The following CFAP36 variants were observed in gnomAD, a reference collection of about 807,000 sequenced individuals.
CFAP36 encodes the protein cilia and flagella associated protein 36.
CFAP36 carries 37 observed loss-of-function variants against 50.5 expected under a neutral mutation model. The ratio of observed to expected loss-of-function variants is 0.73; its 90% confidence interval spans 0.56 to 0.96. The LOEUF is 0.96. Among genes scored for constraint, CFAP36 ranks in the 50% least tolerant of loss-of-function variants. CFAP36 has a pLI of 0.00. For missense variants in CFAP36, 407 were observed against 396.2 expected (o/e 1.03, Z -0.23); for synonymous variants, 138 against 128.2 (o/e 1.08, Z -0.52).
chr2:55,543,850 A>C, intron 7 of CFAP36, 88 bp from the exon 8 acceptor site: 1 of 1,256,724 alleles, frequency 8.0e-7, no homozygotes, highest in Non-Finnish European at 1.1e-6. Context: ...AAGTATTATT[A>C]ACATTAGCTC....
rs373802710 is a variant in CFAP36, at chr2:55,533,895, C to G, written c.420C>G (p.Thr140=). ...ERNGVLPDCL[T]DGSDVVSDLE... is the part of the protein sequence containing the mutation. ...CAGGTGTATTACCTGACTGCTTAAC[C>G]GATGGCTCTGATGTGGTCAGTGACC... The change falls in exon 5 of 10, where the codon ACC becomes ACG. Residue 140 remains threonine, a synonymous_variant. Transcript: ENST00000349456. The G allele has an allele frequency of 6.2e-7, 1 of 1,610,480 alleles. No individual in the cohort carries two copies. Among genetic ancestry groups the G allele is most frequent in the East Asian group, 2.2e-5 (1 of 44,830 alleles).
At chr2:55,523,585 A>C in intron 2 of CFAP36, 136 bp from the exon 3 acceptor site, 1 of 496,112 alleles carries the variant, frequency 2.0e-6, no homozygotes, top group East Asian at 3.1e-5. Context: ...GTGAAAGACA[A>C]TGTCACTGTC....
chr2:55,524,814 T>A (rs1168571212), intron 3 of CFAP36, among the ~76,000 whole-genome samples: 3 of 151,836 alleles, frequency 2.0e-5, no homozygotes, highest in East Asian at 3.9e-4. Context: ...AAACCCCGTC[T>A]CTACTAAACA....
chr2:55,528,212 A>C (rs767166551), intron 3 of CFAP36, among the ~76,000 whole-genome samples: 1 of 151,000 alleles, frequency 6.6e-6, no homozygotes, highest in African/African-American at 2.4e-5. Context: ...ATATGTAATC[A>C]TAGAATAATC....
chr2:55,533,760 G>A, intron 4 of CFAP36, 113 bp from the exon 5 acceptor site: 1 of 439,234 alleles, frequency 2.3e-6, no homozygotes. Flanking sequence ...AATAGCTTAG[G>A]ATGTTACAGT....
chr2:55,520,919 G>A (rs1684045527), intron 1 of CFAP36, among the ~76,000 whole-genome samples: 1 of 152,104 alleles, frequency 6.6e-6, no homozygotes, highest in South Asian at 2.1e-4. Flanking sequence ...TGAGCTTCCC[G>A]GCTCCAGCAG....
rs1241277083 is a variant in CFAP36, at chr2:55,528,992, G to A, written c.397G>A (p.Gly133Ser). The part of the protein sequence containing the change: ...QAIRIIQERN[G>S]VLPDCLTDGS... Reference sequence around the variant, plus strand: ...CATTCGAATAATTCAAGAGAGAAATGGTAAAATGTTGAAGTTAGAAATCTA... The same window carrying A: ...CATTCGAATAATTCAAGAGAGAAATAGTAAAATGTTGAAGTTAGAAATCTA... The change falls in exon 4 of 10, where the codon GGT becomes AGT. Residue 133 changes from glycine (G) to serine (S), a missense_variant and splice_region_variant. Transcript: ENST00000349456. 1.9e-6 allele frequency: 3 copies of A among 1,593,718 alleles called. No homozygotes were observed. Among genetic ancestry groups the A allele is most frequent in the Non-Finnish European group, 2.6e-6 (3 of 1,168,998 alleles).
chr2:55,522,207 T>C (rs1171455141), intron 2 of CFAP36, 41 bp downstream of exon 2: 2 of 982,138 alleles, frequency 2.0e-6, no homozygotes, highest in Middle Eastern at 2.3e-4. Flanking sequence ...GTAATTAGGC[T>C]AATACTACTT....
intron 6 of CFAP36, 145 bp from the exon 7 acceptor site, chr2:55,537,338 T>C: frequency 1.8e-6 from 1 of 548,308 alleles, no homozygotes; most frequent in Non-Finnish European, 3.2e-6. Context: ...ACTACTGCAC[T>C]CCAGTCTGGG....
chr2:55,544,247 C>T lies in CFAP36; in HGVS notation c.805C>T (p.Leu269Phe), dbSNP rs1419466375. The T allele has an allele frequency of 1.2e-6, 2 of 1,613,702 alleles. No individual in the cohort carries two copies. Among genetic ancestry groups the T allele is most frequent in the East Asian group, 2.2e-5 (1 of 44,850 alleles). The change falls in exon 9 of 10, where the codon CTT becomes TTT. Residue 269 changes from leucine to phenylalanine, a missense_variant. By Grantham distance (22) the Leu-to-Phe change is conservative. Coordinates refer to ENST00000349456, the MANE Select transcript of CFAP36 (RefSeq NM_080667.7). ...CTTATCAGTACTTGGAACAGAAGAA[C>T]TTCGGCAACGAGAACACTATCTCAA... ...ANLSVLGTEE[L>F]RQREHYLKQK... is the part of the protein sequence containing the mutation.
intron 4 of CFAP36, among the ~76,000 whole-genome samples, chr2:55,529,821 T>G (rs1017498801): frequency 6.6e-6 from 1 of 152,002 alleles, no homozygotes; most frequent in African/African-American, 2.4e-5. Context: ...TAATTTTTTG[T>G]ATTTTTAGTA....
At chr2:55,533,208 T>C (rs1417571394) in intron 4 of CFAP36, among the ~76,000 whole-genome samples, 1 of 152,240 alleles carries the variant, frequency 6.6e-6, no homozygotes, top group Non-Finnish European at 1.5e-5. Flanking sequence ...AGTTTCATTA[T>C]TAAGCCTAAC....
Position 55,545,010 on chromosome 2 carries a change from A to C in CFAP36, c.*2A>C, listed in dbSNP as rs754709438. 6.8e-7 allele frequency: 1 copy of C among 1,475,672 alleles called. No individual in the cohort carries two copies. Among genetic ancestry groups the C allele is most frequent in the South Asian group, 1.2e-5 (1 of 81,096 alleles). The allele number at this position is 1,475,672 out of a possible 1,614,324, so 91.4% of individuals were successfully genotyped here. On this transcript the variant is annotated 3_prime_UTR_variant, in exon 10 of 10. Coordinates refer to ENST00000349456, the MANE Select transcript of CFAP36 (RefSeq NM_080667.7). Reference sequence around the variant, plus strand: ...AAAGAAGAAGTTATTAATAAGTAATAATTAAGAACAATTTAACAAAATGGA... The same window carrying C: ...AAAGAAGAAGTTATTAATAAGTAATCATTAAGAACAATTTAACAAAATGGA...
At chr2:55,521,504 GA>G (rs1684060618) in intron 1 of CFAP36, among the ~76,000 whole-genome samples, 1 of 151,650 alleles carries the variant, frequency 6.6e-6, no homozygotes, top group South Asian at 2.1e-4. Flanking sequence ...CATATTGATT[GA>G]AATGTGTTTT....
chr2:55,526,573 C>G (rs1379809336), intron 3 of CFAP36, among the ~76,000 whole-genome samples: 1 of 152,196 alleles, frequency 6.6e-6, no homozygotes, highest in Non-Finnish European at 1.5e-5. Context: ...TCCTGAGTAG[C>G]TAGGACTATA....
chr2:55,521,294 C>CAT (rs1226191582), intron 1 of CFAP36, among the ~76,000 whole-genome samples: 8 of 148,316 alleles, frequency 5.4e-5, no homozygotes, highest in African/African-American at 2.0e-4. Context: ...TTGTTTTATA[C>CAT]ATATGATCAT....
intron 3 of CFAP36, 60 bp from the exon 4 acceptor site, chr2:55,528,818 A>T: frequency 1.0e-6 from 1 of 960,392 alleles, no homozygotes; most frequent in African/African-American, 1.6e-5. Context: ...AATGGTTCGA[A>T]TGTATGGGTA....
At chr2:55,521,849 C>T (rs886331102) in intron 1 of CFAP36, among the ~76,000 whole-genome samples, 5 of 151,948 alleles carry the variant, frequency 3.3e-5, no homozygotes, top group Non-Finnish European at 5.9e-5. Context: ...AGGCTGGTCT[C>T]GAACTCCTGA....
chr2:55,522,193 A>G (rs747224707), intron 2 of CFAP36, 27 bp downstream of exon 2: 104 of 1,197,140 alleles, frequency 8.7e-5, no homozygotes, highest in Admixed American at 5.7e-4. Context: ...ACTGATTTTT[A>G]AAAGTAATTA....
Sources: allele counts gnomAD v4.1 joint callset (sites outside exome capture counted in the v4.1 genomes callset), GRCh38; gene constraint gnomAD v4.1.1; transcripts MANE v1.5; gene names NCBI Gene and HGNC (gene_info 2026-07-23, HGNC 2026-07-21).